AGBL1: variants seen among roughly 807,000 people sequenced by gnomAD.
AGBL1 encodes cytosolic carboxypeptidase 4.
AGBL1 carries 130 observed loss-of-function variants against 118.9 expected under a neutral mutation model. The observed-to-expected ratio is 1.09, with a 90% confidence interval of 0.95 to 1.26. The LOEUF (loss-of-function observed/expected upper bound fraction) is 1.26. Among genes scored for constraint, AGBL1 ranks in the 50% most tolerant of loss-of-function variants. The pLI is 0.00. For synonymous variants in AGBL1, 555 were observed against 478.9 expected, an observed-to-expected ratio of 1.16 and a Z score of -2.08; for missense variants, 1,584 against 1,298.1, an observed-to-expected ratio of 1.22 and a Z score of -3.38.
At chr15:86,145,279 T>G (rs1487887525) in intron 3 of AGBL1, among the ~76,000 whole-genome samples, 1 of 152,180 alleles carries the variant, frequency 6.6e-6, no homozygotes, top group Non-Finnish European at 1.5e-5. Context: ...CATTCCTAGT[T>G]GAAGGGAAGA....
At chr15:86,414,953 A>T (rs1298258908) in intron 18 of AGBL1, among the ~76,000 whole-genome samples, 1 of 152,220 alleles carries the variant, frequency 6.6e-6, no homozygotes, top group Non-Finnish European at 1.5e-5. Context: ...ACAGTCTCCA[A>T]GATGGAGACT....
At chr15:86,578,670 T>C (rs1430223418) in intron 21 of AGBL1, among the ~76,000 whole-genome samples, 2 of 152,144 alleles carry the variant, frequency 1.3e-5, no homozygotes, top group Non-Finnish European at 2.9e-5. Flanking sequence ...CAGGTTTTCC[T>C]GTGCTGTTCT....
chr15:86,997,549 C>G (rs184574515), intron 24 of AGBL1, among the ~76,000 whole-genome samples: 9 of 152,186 alleles, frequency 5.9e-5, no homozygotes, highest in African/African-American at 2.2e-4. Context: ...ACTAGGATAG[C>G]CTTTGAAAAC....
At chr15:86,114,395 G>T (rs1014921619) in intron 1 of AGBL1, among the ~76,000 whole-genome samples, 2 of 152,136 alleles carry the variant, frequency 1.3e-5, no homozygotes, top group Non-Finnish European at 2.9e-5. Context: ...TTCTACTCTG[G>T]TCTGCTTGTG....
chr15:86,899,071 G>A (rs28793081), intron 22 of AGBL1, among the ~76,000 whole-genome samples: 12,025 of 152,056 alleles, frequency 0.079, 594 homozygotes, highest in African/African-American at 0.14. Context: ...TCATTCTACC[G>A]CAAAGACACA....
At chr15:86,770,411 G>A (rs772926459) in intron 22 of AGBL1, among the ~76,000 whole-genome samples, 8 of 151,890 alleles carry the variant, frequency 5.3e-5, no homozygotes, top group Non-Finnish European at 1.2e-4. Flanking sequence ...AACATCTACT[G>A]TGTAGAAGCT....
chr15:86,913,040 T>A lies in AGBL1; in HGVS notation c.*5746T>A, dbSNP rs1567236828. On this transcript the variant is annotated 3_prime_UTR_variant, in exon 23 of 23. Coordinates refer to ENST00000614907, the MANE Select transcript of AGBL1 (RefSeq NM_001386094.1). ...CTTTAGAAAAGAAAAAATAGAGTGG[T>A]AAAAGGGAATTTTGAGATAAAAATG... 1.3e-5 allele frequency: 2 copies of A among 152,164 alleles called. No individual in the cohort carries two copies. The highest frequency in any genetic ancestry group is 2.9e-5 in the Non-Finnish European group (2 of 68,042). The allele number at this position is 152,164 out of a possible 1,614,324, so 9.4% of individuals were successfully genotyped here. A position where few individuals can be genotyped will look rare whatever the true frequency, so the allele number is the denominator to read the frequency against.
intron 1 of AGBL1, among the ~76,000 whole-genome samples, chr15:86,128,606 C>T (rs944320782): frequency 1.3e-5 from 2 of 152,226 alleles, no homozygotes; most frequent in African/African-American, 4.8e-5. Context: ...TCGTTCCTTC[C>T]ACCCCAGTTC....
chr15:86,807,577 A>G (rs1271466743), intron 22 of AGBL1, among the ~76,000 whole-genome samples: 3 of 152,040 alleles, frequency 2.0e-5, no homozygotes, highest in African/African-American at 7.2e-5. Flanking sequence ...CATGCAGCCT[A>G]TAGGTATGGT....
intron 24 of AGBL1, among the ~76,000 whole-genome samples, chr15:86,995,243 C>T (rs114653431): frequency 6.7e-4 from 102 of 152,052 alleles, no homozygotes; most frequent in African/African-American, 2.4e-3. Flanking sequence ...AAAAATTAGC[C>T]GAACTTGATG....
chr15:86,134,770 C>T (rs190585974), intron 1 of AGBL1, among the ~76,000 whole-genome samples: 20 of 151,734 alleles, frequency 1.3e-4, no homozygotes, highest in Admixed American at 5.9e-4. Flanking sequence ...CGTGCCACTA[C>T]GCCCAGTTAA....
At chr15:86,300,906 T>A (rs945345239) in intron 17 of AGBL1, among the ~76,000 whole-genome samples, 3 of 152,200 alleles carry the variant, frequency 2.0e-5, no homozygotes, top group Non-Finnish European at 2.9e-5. Flanking sequence ...GAGGGTGTAA[T>A]GAGCTACTGC....
chr15:86,183,984 A>G (rs1202671404), intron 5 of AGBL1, among the ~76,000 whole-genome samples: 2 of 152,208 alleles, frequency 1.3e-5, no homozygotes, highest in Non-Finnish European at 2.9e-5. Context: ...CCTGCCTGTC[A>G]TCTCTTGGTA....
At chr15:86,892,383 G>C (rs899460167) in intron 22 of AGBL1, among the ~76,000 whole-genome samples, 1 of 152,082 alleles carries the variant, frequency 6.6e-6, no homozygotes, top group African/African-American at 2.4e-5. Context: ...GACTTCGATT[G>C]GGGCTGAATG....
chr15:86,327,210 A>C (rs1312976651), intron 17 of AGBL1, among the ~76,000 whole-genome samples: 1 of 152,192 alleles, frequency 6.6e-6, no homozygotes, highest in East Asian at 1.9e-4. Flanking sequence ...GGACTGACCC[A>C]ATGTGGAGGG....
At chr15:86,966,334 T>C (rs2081052682) in intron 23 of AGBL1, among the ~76,000 whole-genome samples, 2 of 151,624 alleles carry the variant, frequency 1.3e-5, no homozygotes, top group South Asian at 2.1e-4. Flanking sequence ...CTTTTTTTTT[T>C]ATTATTATAC....
chr15:86,388,814 A>G (rs2081234968), intron 17 of AGBL1, among the ~76,000 whole-genome samples: 1 of 152,152 alleles, frequency 6.6e-6, no homozygotes, highest in South Asian at 2.1e-4. Flanking sequence ...TGCCTTGCCT[A>G]CTTCACAGAT....
intron 1 of AGBL1, among the ~76,000 whole-genome samples, chr15:86,083,138 C>T (rs1895399695): frequency 1.3e-5 from 2 of 152,106 alleles, no homozygotes; most frequent in South Asian, 2.1e-4. Context: ...GAACACTTGC[C>T]TACACTTTTT....
At chr15:86,982,841 C>CTGAGGAGTCAAA (rs2081245644) in intron 23 of AGBL1, among the ~76,000 whole-genome samples, 1 of 152,138 alleles carries the variant, frequency 6.6e-6, no homozygotes, top group Non-Finnish European at 1.5e-5. Flanking sequence ...AGTTAAGTTT[C>CTGAGGAGTCAAA]TGAGGAGTCA....
Sources: gnomAD v4.1 joint callset for allele counts (sites outside exome capture counted in the v4.1 genomes callset) on GRCh38, gnomAD v4.1.1 for gene constraint, MANE v1.5 for transcripts, NCBI Gene and HGNC (gene_info 2026-07-23, HGNC 2026-07-21) for gene names.